MAP3K14: variants seen among roughly 807,000 people sequenced by gnomAD.
MAP3K14 encodes mitogen-activated protein kinase kinase kinase 14, also known as NF-kappa-beta-inducing kinase.
A neutral mutation model predicts 99.2 loss-of-function variants in MAP3K14; 16 were observed. The observed-to-expected ratio is 0.16, with a 90% CI of 0.11 to 0.24. MAP3K14 has a LOEUF of 0.24. Ranked by LOEUF, MAP3K14 falls within the 10% of genes least tolerant of loss-of-function variation. MAP3K14 has a pLI of 1.00. For synonymous variants in MAP3K14, 462 were observed against 492.4 expected, an observed-to-expected ratio of 0.94 and a Z score of 0.82; for missense variants, 784 against 1,208.7, an observed-to-expected ratio of 0.65 and a Z score of 5.21.
chr17:45,285,313 G>C (rs1013707517), intron 5 of MAP3K14, among the ~76,000 whole-genome samples: 8 of 151,970 alleles, frequency 5.3e-5, no homozygotes, highest in Admixed American at 3.9e-4. Context: ...GAGGGGCGGG[G>C]GTCAAGGATG....
chr17:45,314,116 A>G (rs114502984), intron 1 of MAP3K14, among the ~76,000 whole-genome samples: 4,168 of 152,312 alleles, frequency 0.027, 204 homozygotes, highest in African/African-American at 0.096. Flanking sequence ...CCGGCCACTG[A>G]AGAAAAATGA....
intron 7 of MAP3K14, 71 bp downstream of exon 7, chr17:45,274,393 C>A: frequency 1.3e-6 from 2 of 1,597,042 alleles, no homozygotes; most frequent in Non-Finnish European, 8.5e-7. Flanking sequence ...TGACCAAGGC[C>A]AACTTGGGCA....
intron 1 of MAP3K14, among the ~76,000 whole-genome samples, chr17:45,310,027 C>CTTT (rs59117060): frequency 2.6e-3 from 257 of 98,794 alleles, no homozygotes; most frequent in African/African-American, 3.1e-3. Context: ...AGGAGTCCAT[C>CTTT]TTTTTTTTTT....
At chr17:45,269,891 G>T (rs1468607595) in intron 11 of MAP3K14, among the ~76,000 whole-genome samples, 1 of 152,208 alleles carries the variant, frequency 6.6e-6, no homozygotes, top group African/African-American at 2.4e-5. Flanking sequence ...CAATCCCAAG[G>T]AGGGGGTCAT....
intron 1 of MAP3K14, among the ~76,000 whole-genome samples, chr17:45,291,887 T>C (rs2143833202): frequency 6.6e-6 from 1 of 152,386 alleles, no homozygotes; most frequent in South Asian, 2.1e-4. Flanking sequence ...CTGTGAACCC[T>C]GGATCACTTC....
At chr17:45,296,072 C>T (rs986653296) in intron 1 of MAP3K14, among the ~76,000 whole-genome samples, 2 of 152,190 alleles carry the variant, frequency 1.3e-5, no homozygotes, top group African/African-American at 4.8e-5. Context: ...AAAAACTTGT[C>T]CTTCTCTGAA....
intron 1 of MAP3K14, among the ~76,000 whole-genome samples, chr17:45,297,023 A>G (rs1394264863): frequency 6.6e-6 from 1 of 152,156 alleles, no homozygotes; most frequent in Non-Finnish European, 1.5e-5. Flanking sequence ...TGCATTCCAC[A>G]CCAACCCTGC....
chr17:45,314,814 T>C (rs1177750271), intron 1 of MAP3K14, among the ~76,000 whole-genome samples: 1 of 152,122 alleles, frequency 6.6e-6, no homozygotes, highest in African/African-American at 2.4e-5. Context: ...CAGGCAGGCT[T>C]GTTAGGAAAG....
At chr17:45,278,578 A>G (rs1369266203) in intron 6 of MAP3K14, among the ~76,000 whole-genome samples, 3 of 152,170 alleles carry the variant, frequency 2.0e-5, no homozygotes, top group African/African-American at 4.8e-5. Context: ...AATTTGCCCA[A>G]GGTCACTGGG....
chr17:45,309,301 CT>C (rs1325441896), intron 1 of MAP3K14, among the ~76,000 whole-genome samples: 1 of 152,246 alleles, frequency 6.6e-6, no homozygotes, highest in Non-Finnish European at 1.5e-5. Flanking sequence ...CCGAGACGCT[CT>C]ACGCCTGACA....
chr17:45,303,884 G>A lies in MAP3K14; in HGVS notation c.-21+13076C>T, dbSNP rs192318633. Among the ~76,000 whole-genome samples, 1,302 of 150,806 alleles carry A rather than the reference G, an allele frequency of 8.6e-3. 17 individuals are homozygous for A. The highest frequency in any genetic ancestry group is 0.029 in the African/African-American group (1,197 of 41,134). Reference sequence around the variant, plus strand: ...GGCGTGAGCCACCGTGCCTGGCCTAGTTTGGGACTATTTTTAAAAGAAACA... The same window carrying A: ...GGCGTGAGCCACCGTGCCTGGCCTAATTTGGGACTATTTTTAAAAGAAACA... On this transcript the variant is annotated intron_variant, in intron 1 of 15. Coordinates refer to ENST00000344686, the MANE Select transcript of MAP3K14 (RefSeq NM_003954.5).
chr17:45,303,650 C>T (rs910073827), intron 1 of MAP3K14, among the ~76,000 whole-genome samples: 1 of 152,138 alleles, frequency 6.6e-6, no homozygotes, highest in African/African-American at 2.4e-5. Flanking sequence ...CCGGCACCGT[C>T]CCGTCCTCTC....
intron 2 of MAP3K14, among the ~76,000 whole-genome samples, chr17:45,290,243 C>A (rs762323525): frequency 1.3e-5 from 2 of 152,190 alleles, no homozygotes; most frequent in Non-Finnish European, 2.9e-5. Flanking sequence ...CCCGAGTGCT[C>A]GTCTGTTACC....
intron 1 of MAP3K14, among the ~76,000 whole-genome samples, chr17:45,301,665 T>C (rs887720863): frequency 6.6e-6 from 1 of 152,152 alleles, no homozygotes; most frequent in African/African-American, 2.4e-5. Flanking sequence ...TACGACCCTA[T>C]ATACATGTGT....
chr17:45,274,359 A>C lies in MAP3K14; in HGVS notation c.1420+105T>G, dbSNP rs1358897239. On this transcript the variant is annotated intron_variant, in intron 7 of 15. Transcript: ENST00000344686. ...AGTGGAAAGCAGGGTCACAGGGTCA[A>C]GAGGTTAACAATGGATAGATCAGTG... 1.9e-6 allele frequency: 3 copies of C among 1,575,852 alleles called. No homozygotes were observed. In the Admixed American group the frequency reaches 5.5e-5, roughly 29 times the overall value.
chr17:45,304,248 C>T (rs776421976), intron 1 of MAP3K14, among the ~76,000 whole-genome samples: 2 of 151,892 alleles, frequency 1.3e-5, no homozygotes, highest in Non-Finnish European at 2.9e-5. Context: ...AAACAATCCA[C>T]CCGCCTTGGC....
chr17:45,265,152 G>A lies in MAP3K14; in HGVS notation c.2679+11C>T, dbSNP rs1351316232. The A allele has an allele frequency of 6.2e-7, 1 of 1,607,076 alleles. No individual in the cohort carries two copies. The highest frequency in any genetic ancestry group is 1.3e-5 in the African/African-American group (1 of 74,782). On this transcript the variant is annotated intron_variant, in intron 15 of 15. Transcript: ENST00000344686. Reference sequence around the variant, plus strand: ...GGACTCTGCCCGTCAGAGTGTACCTGCCCCCCTTACCTGGCTGCTGATGCC... The same window carrying A: ...GGACTCTGCCCGTCAGAGTGTACCTACCCCCCTTACCTGGCTGCTGATGCC...
chr17:45,282,993 T>G (rs1449030740), intron 6 of MAP3K14, among the ~76,000 whole-genome samples: 1 of 152,226 alleles, frequency 6.6e-6, no homozygotes, highest in African/African-American at 2.4e-5. Flanking sequence ...GGGCTTGAGC[T>G]GCAGCTCTGG....
At chr17:45,278,663 G>T (rs191787113) in intron 6 of MAP3K14, among the ~76,000 whole-genome samples, 1 of 151,328 alleles carries the variant, frequency 6.6e-6, no homozygotes, top group East Asian at 1.9e-4. Flanking sequence ...CCTCCTGAAG[G>T]CCTTTCCATG....
Sources: allele counts gnomAD v4.1 joint callset (sites outside exome capture counted in the v4.1 genomes callset), GRCh38; gene constraint gnomAD v4.1.1; transcripts MANE v1.5; gene names NCBI Gene and HGNC (gene_info 2026-07-23, HGNC 2026-07-21).